Variants in SEPTIN3 observed in about 807,000 individuals in gnomAD.
SEPTIN3 encodes septin 3.
Under a neutral mutation model 45.1 loss-of-function variants are expected in SEPTIN3, and 15 were observed. The ratio of observed to expected loss-of-function variants is 0.33; its 90% confidence interval spans 0.22 to 0.51. The LOEUF (loss-of-function observed/expected upper bound fraction) is 0.51, where lower values mean the gene tolerates loss of function less well. Among genes scored for constraint, SEPTIN3 ranks in the 20% least tolerant of loss-of-function variants. SEPTIN3 has a pLI of 0.97. For missense variants in SEPTIN3, 289 were observed against 457.2 expected, an observed-to-expected ratio of 0.63 and a Z score of 3.35; for synonymous variants, 148 against 164.8, an observed-to-expected ratio of 0.90 and a Z score of 0.78.
In SEPTIN3 at chr22:41,994,739, C is replaced by G; in HGVS notation, c.2505+25C>G. 6.2e-7 allele frequency: 1 copy of G among 1,614,126 alleles called. No homozygotes were observed. The highest frequency in any genetic ancestry group is 8.5e-7 in the Non-Finnish European group (1 of 1,180,038). The stretch of plus-strand genomic sequence containing the variant: ...GGTGAGCGTGGACACAGAGGAAAGC[C>G]ACGACAGTAACCCATGACGACCACT... On this transcript the variant is annotated intron_variant, in intron 11 of 11. Coordinates refer to ENST00000644076, the MANE Select transcript of SEPTIN3 (RefSeq NM_001363845.2). The surrounding 1 kb of genome is among the most constrained non-coding windows in gnomAD (Gnocchi z 4.2).
intron 3 of SEPTIN3, among the ~76,000 whole-genome samples, chr22:41,982,667 T>C (rs1455725608): frequency 6.6e-6 from 1 of 152,020 alleles, no homozygotes; most frequent in Non-Finnish European, 1.5e-5. Context: ...GGTGGGTGGA[T>C]CACCTGAGGA....
intron 2 of SEPTIN3, among the ~76,000 whole-genome samples, chr22:41,977,421 A>C (rs986230845): frequency 1.3e-5 from 2 of 151,964 alleles, no homozygotes; most frequent in South Asian, 2.1e-4. Context: ...GCACTGATAC[A>C]TACGTCCCCT....
At chr22:41,977,667 G>C (rs1431697212) in intron 2 of SEPTIN3, among the ~76,000 whole-genome samples, 1 of 151,866 alleles carries the variant, frequency 6.6e-6, no homozygotes, top group Non-Finnish European at 1.5e-5. Context: ...AAGGCTGCGG[G>C]GGGCTGAGGA....
chr22:41,981,444 T>C, intron 2 of SEPTIN3: 1 of 547,568 alleles, frequency 1.8e-6, no homozygotes, highest in East Asian at 2.9e-5. Flanking sequence ...TGACCTGCTC[T>C]GTGTTCTTAG....
intron 3 of SEPTIN3, among the ~76,000 whole-genome samples, chr22:41,984,845 CTTTTTTTTTTTT>C (rs11380985): frequency 0.38 from 39,059 of 102,170 alleles, 6,304 homozygotes; most frequent in Middle Eastern, 0.55. Flanking sequence ...GTGGTTTTCC[CTTTTTTTTTTTT>C]TTTTTTTTTT....
intron 2 of SEPTIN3, among the ~76,000 whole-genome samples, chr22:41,980,516 G>C (rs2078104872): frequency 6.6e-6 from 1 of 152,170 alleles, no homozygotes; most frequent in Non-Finnish European, 1.5e-5. Context: ...TATAGAGAGG[G>C]ATGCAGGCTC....
At chr22:41,990,989 G>A (rs569055620) in intron 7 of SEPTIN3, among the ~76,000 whole-genome samples, 43 of 152,198 alleles carry the variant, frequency 2.8e-4, no homozygotes, top group African/African-American at 7.2e-4. Flanking sequence ...ACTGGAACCC[G>A]GGAGGTGGAG....
chr22:41,995,622 C>T, intron 11 of SEPTIN3: 1 of 985,336 alleles, frequency 1.0e-6, no homozygotes, highest in Non-Finnish European at 1.2e-6. Flanking sequence ...CATTTATGCC[C>T]AGTCTACTTC....
chr22:41,974,310 C>T (rs1356951244), intron 2 of SEPTIN3, among the ~76,000 whole-genome samples: 3 of 152,026 alleles, frequency 2.0e-5, no homozygotes, highest in Non-Finnish European at 4.4e-5. Flanking sequence ...GTGGCTCACA[C>T]CTGTAATCCC....
intron 2 of SEPTIN3, chr22:41,977,171 G>A: frequency 1.6e-6 from 2 of 1,272,242 alleles, no homozygotes; most frequent in Non-Finnish European, 2.1e-6. Flanking sequence ...TTTCCGCGCC[G>A]AGGAGCCCAC....
chr22:41,985,521 T>C (rs943625895), intron 3 of SEPTIN3: 3 of 161,078 alleles, frequency 1.9e-5, no homozygotes, highest in Admixed American at 1.8e-4. Context: ...AGGATAAAGA[T>C]AGTTCTGCTT....
chr22:41,991,565 G>C lies in SEPTIN3; in HGVS notation c.2164-8G>C, dbSNP rs763081041. On this transcript the variant is annotated splice_region_variant and splice_polypyrimidine_tract_variant and intron_variant, in intron 7 of 11. Coordinates refer to ENST00000644076, the MANE Select transcript of SEPTIN3 (RefSeq NM_001363845.2). ...CTTGACTACCTTGTTTCTTCTCCTC[G>C]CCTCTAGGTTCGCAAGGAGCTTGAA... The C allele has an allele frequency of 2.5e-6, 4 of 1,601,370 alleles. No homozygotes were observed. The highest frequency in any genetic ancestry group is 1.7e-6 in the Non-Finnish European group (2 of 1,168,500).
intron 6 of SEPTIN3, 83 bp downstream of exon 6, chr22:41,987,842 T>C (rs1361011279): frequency 6.8e-7 from 1 of 1,471,800 alleles, no homozygotes; most frequent in Non-Finnish European, 9.3e-7. Context: ...ATCCATACGT[T>C]GACTCAGCTA....
chr22:41,982,498 A>T (rs1179016623), intron 3 of SEPTIN3, among the ~76,000 whole-genome samples: 1 of 151,934 alleles, frequency 6.6e-6, no homozygotes, highest in African/African-American at 2.4e-5. Flanking sequence ...ACAAGAGTGA[A>T]ACTCCGCCTC....
intron 3 of SEPTIN3, among the ~76,000 whole-genome samples, chr22:41,984,648 C>A (rs2078173405): frequency 6.6e-6 from 1 of 152,090 alleles, no homozygotes; most frequent in African/African-American, 2.4e-5. Context: ...CGATCCGCAG[C>A]CTCCTGAGTA....
At chr22:41,977,701 A>G (rs1266929205) in intron 2 of SEPTIN3, among the ~76,000 whole-genome samples, 3 of 150,700 alleles carry the variant, frequency 2.0e-5, no homozygotes, top group African/African-American at 7.3e-5. Flanking sequence ...GGGTGGAAGG[A>G]AGAGGGGGGG....
rs1009650985 is a variant in SEPTIN3 at position 41,997,186 on chromosome 22, C to T, written c.*219C>T. On this transcript the variant is annotated 3_prime_UTR_variant, in exon 12 of 12. Transcript: ENST00000644076. ...GGAGTGGGGTTCTGCCAGTACAGCC[C>T]TACTGCATCATCTGCGTCAGCCGGT... 1.2e-6 allele frequency: 1 copy of T among 812,152 alleles called. No homozygotes were observed. The highest frequency in any genetic ancestry group is 1.7e-5 in the African/African-American group (1 of 57,496). The allele number at this position is 812,152 out of a possible 1,614,324, so 50.3% of individuals were successfully genotyped here.
intron 11 of SEPTIN3, chr22:41,995,685 TACAA>T (rs761168213): frequency 8.1e-6 from 8 of 985,410 alleles, no homozygotes; most frequent in African/African-American, 1.7e-5. Context: ...TACAGGACAG[TACAA>T]ACAGATTGCC....
intron 2 of SEPTIN3, among the ~76,000 whole-genome samples, chr22:41,975,046 T>C (rs1406989620): frequency 6.6e-6 from 1 of 152,104 alleles, no homozygotes; most frequent in African/African-American, 2.4e-5. Flanking sequence ...GGAAGGTATC[T>C]GTTGCTTAAA....
Sources: gnomAD v4.1 joint callset for allele counts (sites outside exome capture counted in the v4.1 genomes callset) on GRCh38, gnomAD v4.1.1 for gene constraint, Gnocchi (gnomAD v3.1) non-coding constraint, MANE v1.5 for transcripts, NCBI Gene and HGNC (gene_info 2026-07-23, HGNC 2026-07-21) for gene names.